RAB27B: variants seen among roughly 807,000 people sequenced by gnomAD.
The protein encoded by RAB27B is ras-related protein Rab-27B.
Under a neutral mutation model 24.6 loss-of-function variants are expected in RAB27B, and 15 were observed. The ratio of observed to expected loss-of-function variants is 0.61; its 90% CI spans 0.41 to 0.94. The LOEUF (loss-of-function observed/expected upper bound fraction) is 0.94, where lower values mean the gene tolerates loss of function less well. RAB27B is among the 40% of genes least tolerant of loss of function. RAB27B has a pLI of 0.00. For synonymous variants in RAB27B, 105 were observed against 92.5 expected (o/e 1.14, Z -0.78); for missense variants, 261 against 266.8 (o/e 0.98, Z 0.15).
intron 2 of RAB27B, among the ~76,000 whole-genome samples, chr18:54,878,642 T>C (rs781429175): frequency 2.0e-5 from 3 of 152,138 alleles, no homozygotes; most frequent in Non-Finnish European, 2.9e-5. Context: ...AGTATCTGGG[T>C]ATATGTCCTG....
chr18:54,777,495 G>A (rs934927868), intron 2 of RAB27B, among the ~76,000 whole-genome samples: 3 of 152,200 alleles, frequency 2.0e-5, no homozygotes, highest in Non-Finnish European at 4.4e-5. Context: ...TAAATTCAGT[G>A]GAGAGTTTTA....
intron 2 of RAB27B, among the ~76,000 whole-genome samples, chr18:54,728,924 C>CCAAAAAAAAAAAAAAAAAAAAAAA (rs1909639353): frequency 6.1e-5 from 2 of 32,554 alleles, no homozygotes; most frequent in Non-Finnish European, 1.3e-4. Flanking sequence ...AAAAAAAAAA[C>CCAAAAAAAAAAAAAAAAAAAAAAA]CACCACCAAA....
chr18:54,857,389 C>G (rs1268153305), intron 1 of RAB27B, among the ~76,000 whole-genome samples: 10 of 152,160 alleles, frequency 6.6e-5, no homozygotes, highest in African/African-American at 2.2e-4. Context: ...TTTAGAGGTA[C>G]AGTAGCTTTT....
intron 1 of RAB27B, among the ~76,000 whole-genome samples, chr18:54,875,246 A>T (rs980332541): frequency 3.9e-5 from 6 of 152,052 alleles, no homozygotes; most frequent in Admixed American, 3.9e-4. Flanking sequence ...GGATCACCTA[A>T]ACCAGGGAAG....
At chr18:54,775,291 C>T (rs1478550013) in intron 2 of RAB27B, among the ~76,000 whole-genome samples, 2 of 152,146 alleles carry the variant, frequency 1.3e-5, no homozygotes, top group East Asian at 1.9e-4. Context: ...GGAGCAGCTG[C>T]GCTTCAGACC....
At chr18:54,718,970 A>G (rs1398874027) in intron 2 of RAB27B, among the ~76,000 whole-genome samples, 1 of 152,212 alleles carries the variant, frequency 6.6e-6, no homozygotes, top group Non-Finnish European at 1.5e-5. Flanking sequence ...ACATTATGCC[A>G]AAATGTAATA....
chr18:54,803,787 G>A (rs1239195369), intron 2 of RAB27B, among the ~76,000 whole-genome samples: 1 of 152,156 alleles, frequency 6.6e-6, no homozygotes, highest in Non-Finnish European at 1.5e-5. Context: ...CTGGGGGGAT[G>A]ATGGAACCAC....
intron 2 of RAB27B, among the ~76,000 whole-genome samples, chr18:54,878,134 A>G (rs1272178863): frequency 6.6e-6 from 1 of 152,220 alleles, no homozygotes; most frequent in Non-Finnish European, 1.5e-5. Context: ...AGTTAAAAGT[A>G]TGATTGGCAA....
chr18:54,800,750 CTTG>C (rs1489409694), intron 2 of RAB27B, among the ~76,000 whole-genome samples: 2 of 152,094 alleles, frequency 1.3e-5, no homozygotes, highest in Admixed American at 1.3e-4. Context: ...AAATTAGCCT[CTTG>C]TTTATACTAA....
chr18:54,755,658 A>G (rs937328568), intron 2 of RAB27B, among the ~76,000 whole-genome samples: 1 of 152,246 alleles, frequency 6.6e-6, no homozygotes, highest in East Asian at 1.9e-4. Flanking sequence ...GCATCAGATC[A>G]CTACTTTGCA....
chr18:54,770,466 C>A (rs375071155), intron 2 of RAB27B, among the ~76,000 whole-genome samples: 2 of 151,980 alleles, frequency 1.3e-5, no homozygotes, highest in Non-Finnish European at 2.9e-5. Context: ...CATCACCCCC[C>A]AGATGGGACC....
chr18:54,780,494 C>T (rs551649826), intron 2 of RAB27B, among the ~76,000 whole-genome samples: 5 of 151,380 alleles, frequency 3.3e-5, no homozygotes, highest in East Asian at 3.9e-4. Context: ...CTGATGGTTT[C>T]GCCCTCACCG....
intron 2 of RAB27B, among the ~76,000 whole-genome samples, chr18:54,795,807 T>C (rs1909398364): frequency 6.6e-6 from 1 of 152,194 alleles, no homozygotes; most frequent in Non-Finnish European, 1.5e-5. Flanking sequence ...AGGCATGAGG[T>C]AAAAGCTTAA....
chr18:54,808,757 T>C (rs1043454274), intron 2 of RAB27B, among the ~76,000 whole-genome samples: 1 of 152,182 alleles, frequency 6.6e-6, no homozygotes, highest in East Asian at 1.9e-4. Context: ...AGTTTCCAAA[T>C]TGATACATAC....
intron 1 of RAB27B, among the ~76,000 whole-genome samples, chr18:54,864,959 A>T (rs1319358104): frequency 6.6e-6 from 1 of 152,138 alleles, no homozygotes; most frequent in East Asian, 1.9e-4. Flanking sequence ...TTTGAGAGGG[A>T]TTAAATTAAA....
chr18:54,786,255 C>T (rs1265854275), intron 2 of RAB27B, among the ~76,000 whole-genome samples: 1 of 152,234 alleles, frequency 6.6e-6, no homozygotes, highest in East Asian at 1.9e-4. Flanking sequence ...ACCAATTCCA[C>T]ATTTTTGAAG....
At chr18:54,873,786 T>C (rs1267038435) in intron 1 of RAB27B, among the ~76,000 whole-genome samples, 1 of 151,498 alleles carries the variant, frequency 6.6e-6, no homozygotes, top group Non-Finnish European at 1.5e-5. Flanking sequence ...AGTAGTGATA[T>C]AAAAAATAAG....
intron 2 of RAB27B, among the ~76,000 whole-genome samples, chr18:54,804,906 CTTTCTTTCTTTCTTTCTTTCTT>C (rs1272908440): frequency 6.1e-5 from 7 of 115,382 alleles, no homozygotes; most frequent in East Asian, 2.6e-4. Context: ...TTCTCTCTCT[CTTTCTTTCTTTCTTTCTTTCTT>C]TCTTTCTTTC....
At chr18:54,829,605 T>G (rs1289137764) in intron 1 of RAB27B, among the ~76,000 whole-genome samples, 2 of 152,206 alleles carry the variant, frequency 1.3e-5, no homozygotes, top group Non-Finnish European at 2.9e-5. Context: ...ATAAGAAAAA[T>G]GTCTACAGTT....
Sources: allele counts gnomAD v4.1 joint callset (sites outside exome capture counted in the v4.1 genomes callset), GRCh38; gene constraint gnomAD v4.1.1; transcripts MANE v1.5; gene names NCBI Gene and HGNC (gene_info 2026-07-23, HGNC 2026-07-21).